The following ERCC6L2 variants were observed in gnomAD, a reference collection of about 807,000 sequenced individuals.
ERCC6L2 encodes ERCC excision repair 6 like 2.
A neutral mutation model predicts 132.0 loss-of-function variants in ERCC6L2; 77 were observed. That is an observed-to-expected ratio of 0.58 (90% confidence interval 0.49 to 0.71). ERCC6L2 has a LOEUF of 0.71. Ranked by LOEUF, ERCC6L2 falls within the 30% of genes least tolerant of loss-of-function variation. The pLI is 0.00. For synonymous variants in ERCC6L2, 583 were observed against 632.4 expected (o/e 0.92, Z 1.17); for missense variants, 1,542 against 1,837.6 (o/e 0.84, Z 2.94).
chr9:95,947,200 A>G (rs1831104373), intron 12 of ERCC6L2, among the ~76,000 whole-genome samples: 1 of 152,216 alleles, frequency 6.6e-6, no homozygotes, highest in African/African-American at 2.4e-5. Flanking sequence ...CTTGAAGGAA[A>G]TTAAAAGTGC....
In ERCC6L2 at chr9:95,959,691, A is replaced by C. The variant is rs924369298; in HGVS notation, c.1947+3678A>C. Among the ~76,000 whole-genome samples, 9 of 152,098 alleles carry C rather than the reference A, an allele frequency of 5.9e-5. No homozygotes were observed. In the East Asian group the frequency reaches 1.3e-3, roughly 23 times the overall value. ...ACTCAAACAAATTTACAAGAAAAAA[A>C]CAACCCCATCAAAAAGTGGGCAAAG... On this transcript the variant is annotated intron_variant, in intron 13 of 18. Coordinates refer to ENST00000653738, the MANE Select transcript of ERCC6L2 (RefSeq NM_020207.7).
chr9:96,037,547 C>A (rs930827290), intron 19 of ERCC6L2, among the ~76,000 whole-genome samples: 1 of 152,170 alleles, frequency 6.6e-6, no homozygotes, highest in African/African-American at 2.4e-5. Flanking sequence ...CCTGAGTAAC[C>A]AGGTGGAGAG....
chr9:95,890,301 A>G (rs1226284368), intron 2 of ERCC6L2, among the ~76,000 whole-genome samples: 4 of 152,316 alleles, frequency 2.6e-5, no homozygotes, highest in South Asian at 2.1e-4. Context: ...TATATTGCCT[A>G]TATTTGCCAG....
At chr9:95,934,659 A>G in intron 11 of ERCC6L2, among the ~76,000 whole-genome samples, 1 of 152,096 alleles carries the variant, frequency 6.6e-6, no homozygotes, top group Admixed American at 6.6e-5. Context: ...GTTGACTACA[A>G]ACAGCTTTCT....
At chr9:96,004,798 C>T (rs1290008323) in intron 18 of ERCC6L2, 97 bp downstream of exon 18, 14 of 774,092 alleles carry the variant, frequency 1.8e-5, no homozygotes, top group Non-Finnish European at 2.0e-5. Context: ...ATAACCATAA[C>T]TGACATCTGA....
At chr9:95,986,326 A>AGGGATTCAGGCTC (rs1434118773) in intron 17 of ERCC6L2, among the ~76,000 whole-genome samples, 3 of 152,152 alleles carry the variant, frequency 2.0e-5, no homozygotes, top group Non-Finnish European at 4.4e-5. Context: ...ATGACACCAT[A>AGGGATTCAGGCTC]GGGATTCAGG....
At chr9:95,954,272 T>C (rs896021202) in intron 12 of ERCC6L2, among the ~76,000 whole-genome samples, 2 of 151,924 alleles carry the variant, frequency 1.3e-5, no homozygotes, top group South Asian at 4.2e-4. Flanking sequence ...AATTTCCCCC[T>C]TTTTTTTGAT....
chr9:95,901,554 T>A (rs1240634644), intron 3 of ERCC6L2, among the ~76,000 whole-genome samples: 1 of 152,136 alleles, frequency 6.6e-6, no homozygotes, highest in East Asian at 1.9e-4. Context: ...TGTTGTTGTT[T>A]TTAGGTTCCT....
chr9:95,966,879 G>T (rs1044137145), intron 14 of ERCC6L2, 165 bp downstream of exon 14: 7 of 459,754 alleles, frequency 1.5e-5, no homozygotes, highest in African/African-American at 1.2e-4. Flanking sequence ...ATGAATTATT[G>T]TACCTCTAAA....
At chr9:95,931,698 C>CT (rs1354682223) in intron 11 of ERCC6L2, among the ~76,000 whole-genome samples, 2 of 152,124 alleles carry the variant, frequency 1.3e-5, no homozygotes, top group African/African-American at 2.4e-5. Flanking sequence ...CAGTGCCAAT[C>CT]TGATTTTCAT....
chr9:95,906,603 T>G (rs1183297210), intron 3 of ERCC6L2: 2 of 451,650 alleles, frequency 4.4e-6, no homozygotes, highest in African/African-American at 2.0e-5. Context: ...TTTCCAGTTC[T>G]TTAACTGAGA....
chr9:95,918,521 TA>T, intron 6 of ERCC6L2: 1 of 492,800 alleles, frequency 2.0e-6, no homozygotes, highest in Non-Finnish European at 4.1e-6. Flanking sequence ...ACCTACTTGC[TA>T]AAGACAAAAT....
chr9:95,998,758 A>G (rs1023015817), intron 17 of ERCC6L2, among the ~76,000 whole-genome samples: 15 of 152,214 alleles, frequency 9.9e-5, no homozygotes, highest in African/African-American at 3.6e-4. Context: ...TCTGACCTAC[A>G]GAAGTATAAG....
At chr9:95,887,548 G>A (rs1342879707) in intron 2 of ERCC6L2, among the ~76,000 whole-genome samples, 3 of 152,080 alleles carry the variant, frequency 2.0e-5, no homozygotes, top group Non-Finnish European at 4.4e-5. Context: ...AGTACTTTTT[G>A]AGTAGCAGAG....
At chr9:96,037,244 G>A (rs1412586212) in intron 19 of ERCC6L2, among the ~76,000 whole-genome samples, 1 of 152,230 alleles carries the variant, frequency 6.6e-6, no homozygotes, top group Non-Finnish European at 1.5e-5. Flanking sequence ...CCTGTGCGTG[G>A]AGAGGAAAAG....
chr9:95,948,791 G>GGAAAAAAAAAAAAA (rs1383535780), intron 12 of ERCC6L2, among the ~76,000 whole-genome samples: 1 of 104,072 alleles, frequency 9.6e-6, no homozygotes, highest in African/African-American at 4.2e-5. Context: ...CAAGACATTA[G>GGAAAAAAAAAAAAA]AAAAAAAAAA....
chr9:95,951,064 A>G (rs1831308405), intron 12 of ERCC6L2, among the ~76,000 whole-genome samples: 1 of 152,234 alleles, frequency 6.6e-6, no homozygotes, highest in Non-Finnish European at 1.5e-5. Context: ...AGGATAAATC[A>G]TGTGTTAGGC....
At chr9:95,974,853 G>A (rs1241103703) in intron 16 of ERCC6L2, among the ~76,000 whole-genome samples, 4 of 151,808 alleles carry the variant, frequency 2.6e-5, no homozygotes, top group Non-Finnish European at 5.9e-5. Flanking sequence ...GAGGTTATAC[G>A]TCCATATTTG....
intron 13 of ERCC6L2, among the ~76,000 whole-genome samples, chr9:95,961,742 G>C (rs1057230345): frequency 1.1e-4 from 17 of 152,092 alleles, no homozygotes; most frequent in Non-Finnish European, 2.4e-4. Flanking sequence ...TTTTCATGCT[G>C]CTGGTAAAGA....
Sources: allele counts gnomAD v4.1 joint callset (sites outside exome capture counted in the v4.1 genomes callset), GRCh38; gene constraint gnomAD v4.1.1; transcripts MANE v1.5; gene names NCBI Gene and HGNC (gene_info 2026-07-23, HGNC 2026-07-21).